WIPF3: variants seen among roughly 807,000 people sequenced by gnomAD.
WIPF3 encodes WAS/WASL-interacting protein family member 3.
Under a neutral mutation model 38.9 loss-of-function variants are expected in WIPF3, and 33 were observed. That is an observed-to-expected ratio of 0.85 (90% CI 0.64 to 1.14). WIPF3 has a LOEUF of 1.14. Ranked by LOEUF, WIPF3 falls within the 50% of genes most tolerant of loss-of-function variation. WIPF3 has a pLI of 0.00. For synonymous variants in WIPF3, 324 were observed against 269.3 expected (o/e 1.20, Z -1.99); for missense variants, 711 against 652.5 (o/e 1.09, Z -0.98).
chr7:29,911,053 T>C (rs1786496580), intron 8 of WIPF3, among the ~76,000 whole-genome samples: 1 of 150,498 alleles, frequency 6.6e-6, no homozygotes, highest in Non-Finnish European at 1.5e-5. Context: ...CTGTTAGAAA[T>C]AATTCAGCAA....
intron 1 of WIPF3, among the ~76,000 whole-genome samples, chr7:29,827,528 G>A (rs1045253865): frequency 2.0e-5 from 3 of 151,950 alleles, no homozygotes; most frequent in Admixed American, 6.6e-5. Flanking sequence ...TCTCCTGGCC[G>A]CAAGGTACCT....
chr7:29,876,599 C>T (rs1310177644), intron 3 of WIPF3, among the ~76,000 whole-genome samples: 2 of 152,334 alleles, frequency 1.3e-5, no homozygotes, highest in Non-Finnish European at 2.9e-5. Flanking sequence ...TGTATGGACA[C>T]ACCACGTTTT....
chr7:29,880,274 G>A (rs1389689427), intron 4 of WIPF3, among the ~76,000 whole-genome samples: 1 of 152,128 alleles, frequency 6.6e-6, no homozygotes, highest in African/African-American at 2.4e-5. Flanking sequence ...TCCATCATGC[G>A]ACTTTTCTAA....
chr7:29,891,507 T>TGA (rs146744456), intron 7 of WIPF3, among the ~76,000 whole-genome samples: 1 of 151,978 alleles, frequency 6.6e-6, no homozygotes, highest in South Asian at 2.1e-4. Flanking sequence ...TGCTCTGAGT[T>TGA]GAGAGAGAGA....
chr7:29,845,102 G>GA (rs397717640), intron 2 of WIPF3, among the ~76,000 whole-genome samples: 4,700 of 138,274 alleles, frequency 0.034, 208 homozygotes, highest in African/African-American at 0.1. Context: ...CTTCTAATAG[G>GA]AAAAAAAAAA....
intron 1 of WIPF3, among the ~76,000 whole-genome samples, chr7:29,820,511 G>A (rs926916463): frequency 6.6e-6 from 1 of 151,968 alleles, no homozygotes; most frequent in Admixed American, 6.6e-5. Context: ...TTGTGCCCAT[G>A]TAATTCATTT....
Position 29,884,205 on chromosome 7 carries a change from GC to G in WIPF3, c.716del (p.Pro239ArgfsTer10). ...PPPPPTPPPLPPASVLSDKAV... is the reference protein window; with the variant it reads ...PPPPPTPPPLXPASVLSDKAV... ...CACCTCCCCCAACGCCACCCCCGCTGCCCCCGGCCTCGGTTCTTAGTGACAA... is the reference window on the plus strand; with the variant it reads ...CACCTCCCCCAACGCCACCCCCGCTGCCCCGGCCTCGGTTCTTAGTGACAA... On this transcript the variant is annotated frameshift_variant, in exon 5 of 9. Transcript: ENST00000242140. LOFTEE classifies it high-confidence loss of function. 7.6e-7 allele frequency: 1 copy of G among 1,318,574 alleles called. No individual in the cohort carries two copies. The highest frequency in any genetic ancestry group is 9.7e-7 in the Non-Finnish European group (1 of 1,031,126). 81.7% of individuals were successfully genotyped at this position (1,318,574 alleles called of 1,614,324 possible). A position where few individuals can be genotyped will look rare whatever the true frequency, so the allele number is the denominator to read the frequency against.
intron 8 of WIPF3, among the ~76,000 whole-genome samples, chr7:29,914,067 C>T (rs766168356): frequency 1.7e-4 from 26 of 152,148 alleles, no homozygotes; most frequent in Non-Finnish European, 3.2e-4. Flanking sequence ...GCAAACAATA[C>T]CCCAGGGACT....
Position 29,914,689 on chromosome 7 carries a change from T to TTA in WIPF3, c.*175_*176dup. 1 of 447,336 alleles carries TTA rather than the reference T, an allele frequency of 2.2e-6. No individual in the cohort carries two copies. 27.7% of individuals were successfully genotyped at this position (447,336 alleles called of 1,614,324 possible). A position where few individuals can be genotyped will look rare whatever the true frequency, so the allele number is the denominator to read the frequency against. On this transcript the variant is annotated 3_prime_UTR_variant, in exon 9 of 9. Coordinates refer to ENST00000242140, the MANE Select transcript of WIPF3 (RefSeq NM_001080529.3). The stretch of plus-strand genomic sequence containing the variant: ...TTTAAAGCAGTATTTTAATTGACTT[T>TTA]TATTTCGGTAATATTTTTTAAAACA...
intron 2 of WIPF3, among the ~76,000 whole-genome samples, chr7:29,852,743 G>C (rs959018668): frequency 1.3e-5 from 2 of 152,198 alleles, no homozygotes; most frequent in African/African-American, 4.8e-5. Context: ...CTGAACTCAG[G>C]ATTTCTAACA....
intron 6 of WIPF3, among the ~76,000 whole-genome samples, chr7:29,888,512 T>C (rs1176546238): frequency 2.1e-5 from 3 of 145,484 alleles, no homozygotes; most frequent in East Asian, 1.9e-4. Context: ...TGTGTGTGCG[T>C]GTGTGTGTGT....
At chr7:29,819,195 C>T (rs1784500685) in intron 1 of WIPF3, among the ~76,000 whole-genome samples, 1 of 151,998 alleles carries the variant, frequency 6.6e-6, no homozygotes, top group Non-Finnish European at 1.5e-5. Flanking sequence ...TGACAACTTT[C>T]ACTATTTCTT....
intron 2 of WIPF3, among the ~76,000 whole-genome samples, chr7:29,839,810 A>G (rs1187541848): frequency 6.6e-6 from 1 of 152,248 alleles, no homozygotes; most frequent in African/African-American, 2.4e-5. Flanking sequence ...AGCCACACTC[A>G]TGCAATTTGT....
chr7:29,839,718 T>C (rs532648584), intron 2 of WIPF3, among the ~76,000 whole-genome samples: 8 of 152,260 alleles, frequency 5.3e-5, no homozygotes, highest in African/African-American at 1.9e-4. Flanking sequence ...TGGAAAAAAA[T>C]TAAAAGAAAA....
chr7:29,807,940 G>A (rs1784309767), intron 1 of WIPF3, among the ~76,000 whole-genome samples: 1 of 152,114 alleles, frequency 6.6e-6, no homozygotes, highest in Admixed American at 6.5e-5. Flanking sequence ...GTTATCACTG[G>A]GACTCCTGCC....
chr7:29,884,271 C>CCA lies in WIPF3; in HGVS notation c.777_778insCA (p.Ile260GlnfsTer115). The stretch of plus-strand genomic sequence containing the variant: ...AGCTGGCTCCCTTGCACCTCCCGCC[C>CCA]ATCCCGCCCCCGCTCCCTCTGCTCC... On this transcript the variant is annotated frameshift_variant, in exon 5 of 9. Transcript: ENST00000242140. LOFTEE classifies it high-confidence loss of function. 49 of 1,487,646 alleles carry CCA rather than the reference C, an allele frequency of 3.3e-5. No individual in the cohort carries two copies. The highest frequency in any genetic ancestry group is 4.0e-5 in the Non-Finnish European group (44 of 1,103,568). 92.2% of individuals were successfully genotyped at this position (1,487,646 alleles called of 1,614,324 possible).
chr7:29,870,957 CAA>C (rs397736411), intron 2 of WIPF3, among the ~76,000 whole-genome samples: 10 of 132,902 alleles, frequency 7.5e-5, no homozygotes, highest in Admixed American at 7.4e-5. Flanking sequence ...ACCCCATCTC[CAA>C]AAAAAAAAAA....
intron 6 of WIPF3, 99 bp downstream of exon 6, chr7:29,888,316 A>C: frequency 1.0e-5 from 15 of 1,438,814 alleles, no homozygotes; most frequent in South Asian, 1.4e-5. Context: ...CTGCCATCTC[A>C]GGGTGCATGC....
chr7:29,884,333 C>A lies in WIPF3; in HGVS notation c.839C>A (p.Ala280Asp). The change falls in exon 5 of 9, where the codon GCC becomes GAC. Residue 280 changes from alanine (A) to aspartate (D), a missense_variant. Coordinates refer to ENST00000242140, the MANE Select transcript of WIPF3 (RefSeq NM_001080529.3). ...CGYPGLKAEP[A>D]SPAQDAQEPP... ...TATCCGGGGCTCAAAGCGGAGCCCG[C>A]CAGCCCTGCGCAAGATGCGCAGGAG... 1.3e-6 allele frequency: 2 copies of A among 1,533,956 alleles called. No individual in the cohort carries two copies. Among genetic ancestry groups the A allele is most frequent in the Non-Finnish European group, 8.8e-7 (1 of 1,138,954 alleles).
Sources: allele counts gnomAD v4.1 joint callset (sites outside exome capture counted in the v4.1 genomes callset), GRCh38; gene constraint gnomAD v4.1.1; transcripts MANE v1.5; gene names NCBI Gene and HGNC (gene_info 2026-07-23, HGNC 2026-07-21).